DCUN1D2: variants seen among roughly 807,000 people sequenced by gnomAD.
The protein encoded by DCUN1D2 is defective in cullin neddylation 1 domain containing 2, also known as DCN1-like protein 2.
A neutral mutation model predicts 30.9 loss-of-function variants in DCUN1D2; 29 were observed. The ratio of observed to expected loss-of-function variants is 0.94; its 90% confidence interval spans 0.70 to 1.28. The LOEUF is 1.28. Among genes scored for constraint, DCUN1D2 ranks in the 50% most tolerant of loss-of-function variants. The pLI is 0.00. For synonymous variants in DCUN1D2, 121 were observed against 115.3 expected, an observed-to-expected ratio of 1.05 and a Z score of -0.32; for missense variants, 325 against 316.9, an observed-to-expected ratio of 1.03 and a Z score of -0.19.
intron 1 of DCUN1D2, among the ~76,000 whole-genome samples, chr13:113,484,814 A>G (rs2044772822): frequency 1.3e-5 from 2 of 152,186 alleles, no homozygotes; most frequent in African/African-American, 4.8e-5. Context: ...ATCTAAAGTA[A>G]CTTGATGATG....
At position 113,490,643 on chromosome 13, in the gene DCUN1D2, C is replaced by A; in HGVS notation, c.3+24G>T. On this transcript the variant is annotated intron_variant, in intron 1 of 6. Coordinates refer to ENST00000478244, the MANE Select transcript of DCUN1D2 (RefSeq NM_001014283.2). The surrounding 1 kb of genome is among the most constrained non-coding windows in gnomAD (Gnocchi z 5.2). The stretch of plus-strand genomic sequence containing the variant: ...CGACCCCGACCCCGACCCCGACGGG[C>A]AGAGGCGACGCCGGGCCACCTACCA... 8.1e-7 allele frequency: 1 copy of A among 1,240,874 alleles called. No homozygotes were observed. The highest frequency in any genetic ancestry group is 1.0e-6 in the Non-Finnish European group (1 of 992,704). 76.9% of individuals were successfully genotyped at this position (1,240,874 alleles called of 1,614,324 possible). A position where few individuals can be genotyped will look rare whatever the true frequency, so the allele number is the denominator to read the frequency against.
At chr13:113,480,276 T>C (rs2044685202) in intron 3 of DCUN1D2, among the ~76,000 whole-genome samples, 1 of 151,984 alleles carries the variant, frequency 6.6e-6, no homozygotes, top group Non-Finnish European at 1.5e-5. Flanking sequence ...ACGAATGAAC[T>C]GAACCTGGCA....
chr13:113,463,831 C>T (rs2044359117), intron 4 of DCUN1D2, among the ~76,000 whole-genome samples: 2 of 152,036 alleles, frequency 1.3e-5, no homozygotes, highest in Non-Finnish European at 2.9e-5. Context: ...CACACACAGA[C>T]ACAGACACAA....
intron 1 of DCUN1D2, among the ~76,000 whole-genome samples, chr13:113,487,302 G>A (rs138523771): frequency 1.3e-5 from 2 of 152,286 alleles, no homozygotes; most frequent in East Asian, 3.9e-4. Context: ...TTATGGAAGT[G>A]GTCATCGTTG....
chr13:113,459,590 T>A (rs1481167665), intron 5 of DCUN1D2, 182 bp from the exon 6 acceptor site: 20 of 447,768 alleles, frequency 4.5e-5, no homozygotes, highest in Non-Finnish European at 7.5e-5. Flanking sequence ...AACGCTAATG[T>A]CCAAATATAG....
At chr13:113,463,681 G>C (rs2044354942) in intron 4 of DCUN1D2, among the ~76,000 whole-genome samples, 1 of 152,086 alleles carries the variant, frequency 6.6e-6, no homozygotes, top group South Asian at 2.1e-4. Flanking sequence ...TAAGAGTAAA[G>C]CATCATCTTA....
Position 113,490,610 on chromosome 13 carries a change from T to C in DCUN1D2, c.3+57A>G, listed in dbSNP as rs1000413911. 55 of 1,216,220 alleles carry C rather than the reference T, an allele frequency of 4.5e-5. No individual in the cohort carries two copies. The highest frequency in any genetic ancestry group is 1.8e-4 in the East Asian group (5 of 28,548). 75.3% of individuals were successfully genotyped at this position (1,216,220 alleles called of 1,614,324 possible). ...ATCCAGCGCGCCGCCTGCGCCGACC[T>C]TGGGGCCCGACCCCGACCCCGACCC... is the stretch of plus-strand genomic sequence containing the variant. On this transcript the variant is annotated intron_variant, in intron 1 of 6. Transcript: ENST00000478244. This position sits in a 1 kb window ranked among gnomAD's most constrained non-coding sequence, Gnocchi z 5.2.
rs745505472 is a variant in DCUN1D2, at chr13:113,483,882, C to T, written c.178G>A (p.Val60Met). The T allele has an allele frequency of 1.9e-6, 3 of 1,613,276 alleles. No individual in the cohort carries two copies. The highest frequency in any genetic ancestry group is 1.1e-5 in the South Asian group (1 of 91,038). ...AGCCGCTCCAGCTTCTTCTTGTCCA[C>T]AGCGTTCCGCATGGACTCCCTGTGG... ...SLHRESMRNA[V>M]DKKKLERLYG... is the part of the protein sequence containing the mutation. The change falls in exon 2 of 7, where the codon GTG (valine) becomes ATG (methionine). Residue 60 changes from valine to methionine, a missense_variant. Physicochemically the swap from Val to Met is conservative, Grantham distance 21 (BLOSUM62 1). Coordinates refer to ENST00000478244, the MANE Select transcript of DCUN1D2 (RefSeq NM_001014283.2).
chr13:113,475,256 C>G (rs1012523538), intron 3 of DCUN1D2: 1 of 152,262 alleles, frequency 6.6e-6, no homozygotes, highest in African/African-American at 2.4e-5. Flanking sequence ...ACCTAGATTC[C>G]TGCCACCTCG....
intron 3 of DCUN1D2, chr13:113,476,254 T>C (rs1336172979): frequency 2.0e-5 from 3 of 152,370 alleles, no homozygotes; most frequent in Non-Finnish European, 4.4e-5. Context: ...GGCTGGGTCA[T>C]GGCGTCTGTG....
chr13:113,474,210 T>C lies in DCUN1D2; in HGVS notation c.434A>G (p.Glu145Gly). Residue 145 changes from glutamate (E) to glycine (G), a missense_variant, in exon 4 of 7, where the codon GAG becomes GGG. Glu to Gly is a moderately conservative substitution (Grantham distance 98). Coordinates refer to ENST00000478244, the MANE Select transcript of DCUN1D2 (RefSeq NM_001014283.2). ...CTTGGCTGTGTCCTTCAGCTCCTGC[T>C]CCAGTCTTGGCAGAAGAGCCTTTAG... ...EKLKALLPRL[E>G]QELKDTAKFK... The C allele has an allele frequency of 6.2e-7, 1 of 1,614,144 alleles. No individual in the cohort carries two copies. Among genetic ancestry groups the C allele is most frequent in the Non-Finnish European group, 8.5e-7 (1 of 1,179,990 alleles).
At chr13:113,477,020 C>T (rs1282926832) in intron 3 of DCUN1D2, among the ~76,000 whole-genome samples, 3 of 152,176 alleles carry the variant, frequency 2.0e-5, no homozygotes, top group Non-Finnish European at 4.4e-5. Context: ...TCTGATCTGG[C>T]GCTTGATGCC....
At chr13:113,480,186 C>A (rs907703504) in intron 3 of DCUN1D2, among the ~76,000 whole-genome samples, 1 of 152,054 alleles carries the variant, frequency 6.6e-6, no homozygotes, top group Non-Finnish European at 1.5e-5. Flanking sequence ...ATGTTACAAG[C>A]AAAAACCAAA....
chr13:113,462,634 T>C, intron 4 of DCUN1D2: 6 of 563,154 alleles, frequency 1.1e-5, no homozygotes, highest in Non-Finnish European at 1.4e-5. Flanking sequence ...AAAGGCTTCA[T>C]GACCAACTTT....
intron 4 of DCUN1D2, among the ~76,000 whole-genome samples, chr13:113,466,263 G>A (rs943438973): frequency 6.6e-6 from 1 of 152,176 alleles, no homozygotes; most frequent in Non-Finnish European, 1.5e-5. Flanking sequence ...ACTAAAATGA[G>A]CTTTAACTTT....
intron 2 of DCUN1D2, among the ~76,000 whole-genome samples, chr13:113,482,926 A>T (rs968421070): frequency 7.2e-5 from 11 of 152,198 alleles, no homozygotes; most frequent in Admixed American, 3.3e-4. Context: ...CTGGTGACAG[A>T]GCAAGACTCC....
intron 4 of DCUN1D2, chr13:113,462,845 C>T (rs745786367): frequency 8.0e-7 from 1 of 1,246,364 alleles, no homozygotes; most frequent in Non-Finnish European, 1.0e-6. Flanking sequence ...CTATATTCAA[C>T]TCATCTTAAT....
At chr13:113,471,797 G>T (rs972523017) in intron 4 of DCUN1D2, among the ~76,000 whole-genome samples, 1 of 152,152 alleles carries the variant, frequency 6.6e-6, no homozygotes, top group Admixed American at 6.5e-5. Context: ...TACCCAGCAC[G>T]CAAGGACTCA....
At chr13:113,461,017 A>G (rs1397861825) in intron 5 of DCUN1D2, 37 bp downstream of exon 5, 5 of 1,404,800 alleles carry the variant, frequency 3.6e-6, no homozygotes, top group South Asian at 1.2e-5. Context: ...ACTTCCCTCC[A>G]CAGTGGGCAC....
Sources: allele counts gnomAD v4.1 joint callset (sites outside exome capture counted in the v4.1 genomes callset), GRCh38; gene constraint gnomAD v4.1.1; non-coding constraint Gnocchi (gnomAD v3.1); transcripts MANE v1.5; gene names NCBI Gene and HGNC (gene_info 2026-07-23, HGNC 2026-07-21).